The following SPAG16 variants were observed in gnomAD, a reference collection of about 807,000 sequenced individuals.
SPAG16 encodes sperm-associated antigen 16 protein.
SPAG16 carries 86 observed loss-of-function variants against 80.4 expected under a neutral mutation model. That is an observed-to-expected ratio of 1.07 (90% CI 0.90 to 1.28). The LOEUF (loss-of-function observed/expected upper bound fraction) is 1.28, where lower values mean the gene tolerates loss of function less well. SPAG16 is among the 50% of genes most tolerant of loss of function. The pLI is 0.00. For missense variants in SPAG16, 870 were observed against 765.3 expected (o/e 1.14, Z -1.61); for synonymous variants, 294 against 265.9 (o/e 1.11, Z -1.03).
chr2:213,537,063 C>A (rs2076276206), intron 10 of SPAG16, among the ~76,000 whole-genome samples: 1 of 149,090 alleles, frequency 6.7e-6, no homozygotes, highest in Non-Finnish European at 1.5e-5. Flanking sequence ...ATCGCAACAA[C>A]AAAAAATCAA....
chr2:213,458,032 A>G (rs1400006814), intron 9 of SPAG16, among the ~76,000 whole-genome samples: 1 of 152,138 alleles, frequency 6.6e-6, no homozygotes, highest in African/African-American at 2.4e-5. Context: ...ATAAACTAGT[A>G]CTTTTACTTC....
At chr2:213,923,460 C>A (rs2078316945) in intron 11 of SPAG16, among the ~76,000 whole-genome samples, 1 of 152,194 alleles carries the variant, frequency 6.6e-6, no homozygotes, top group Non-Finnish European at 1.5e-5. Context: ...GCCTGCCTTG[C>A]AGGGTCAGTG....
intron 9 of SPAG16, among the ~76,000 whole-genome samples, chr2:213,391,671 T>A (rs1173347092): frequency 6.6e-6 from 1 of 152,238 alleles, no homozygotes; most frequent in Admixed American, 6.5e-5. Context: ...AAAGGTTATT[T>A]ACTAAGGGAA....
intron 11 of SPAG16, among the ~76,000 whole-genome samples, chr2:213,897,527 G>A (rs576824854): frequency 6.6e-6 from 1 of 151,910 alleles, no homozygotes; most frequent in South Asian, 2.1e-4. Context: ...TTTTCTTTAT[G>A]TTTCTACATC....
intron 10 of SPAG16, among the ~76,000 whole-genome samples, chr2:213,559,277 A>G (rs1251331376): frequency 6.6e-6 from 1 of 152,120 alleles, no homozygotes; most frequent in East Asian, 1.9e-4. Context: ...ATTTTAACTG[A>G]GAGATGTCAG....
At chr2:213,718,834 C>T (rs1163908056) in intron 10 of SPAG16, among the ~76,000 whole-genome samples, 1 of 152,196 alleles carries the variant, frequency 6.6e-6, no homozygotes, top group Non-Finnish European at 1.5e-5. Flanking sequence ...CCCTACTCCA[C>T]GGCGCCCAGT....
At chr2:213,893,141 A>G (rs1285201668) in intron 11 of SPAG16, among the ~76,000 whole-genome samples, 3 of 152,198 alleles carry the variant, frequency 2.0e-5, no homozygotes, top group Non-Finnish European at 4.4e-5. Flanking sequence ...AAGCCAGGAA[A>G]GAGTAGAATG....
At chr2:214,169,083 A>G (rs1041438087) in intron 15 of SPAG16, among the ~76,000 whole-genome samples, 1 of 152,106 alleles carries the variant, frequency 6.6e-6, no homozygotes, top group East Asian at 1.9e-4. Context: ...TTTCTTTTGT[A>G]GGTTAGAACA....
At chr2:213,683,577 C>T (rs2064503970) in intron 10 of SPAG16, among the ~76,000 whole-genome samples, 1 of 151,730 alleles carries the variant, frequency 6.6e-6, no homozygotes, top group Admixed American at 6.6e-5. Context: ...ACATAAATAC[C>T]ACTTAACTAT....
At chr2:213,295,160 C>G (rs1161700658) in intron 1 of SPAG16, among the ~76,000 whole-genome samples, 1 of 152,046 alleles carries the variant, frequency 6.6e-6, no homozygotes, top group East Asian at 1.9e-4. Context: ...ATAACCATTA[C>G]CATGCATTAA....
At chr2:214,050,498 G>C in intron 13 of SPAG16, among the ~76,000 whole-genome samples, 1 of 151,598 alleles carries the variant, frequency 6.6e-6, no homozygotes, top group Non-Finnish European at 1.5e-5. Flanking sequence ...CTATATTCTT[G>C]TCCAAGAACT....
At chr2:213,667,990 A>G (rs1278492262) in intron 10 of SPAG16, among the ~76,000 whole-genome samples, 9 of 150,102 alleles carry the variant, frequency 6.0e-5, no homozygotes. Flanking sequence ...TCTGTTGCCC[A>G]GGCTGGAGTG....
chr2:213,484,882 A>G (rs1334071601), intron 9 of SPAG16, among the ~76,000 whole-genome samples: 2 of 152,180 alleles, frequency 1.3e-5, no homozygotes, highest in African/African-American at 4.8e-5. Flanking sequence ...CTTGCTTTAT[A>G]TCTCTGAATA....
chr2:213,366,456 A>G (rs1380452382), intron 8 of SPAG16, among the ~76,000 whole-genome samples: 1 of 152,188 alleles, frequency 6.6e-6, no homozygotes, highest in African/African-American at 2.4e-5. Context: ...ACAGTTCCAC[A>G]TAGCTGGGGA....
intron 15 of SPAG16, among the ~76,000 whole-genome samples, chr2:214,331,916 TAAG>T (rs1696943523): frequency 6.6e-6 from 1 of 152,210 alleles, no homozygotes; most frequent in Non-Finnish European, 1.5e-5. Flanking sequence ...CTATTTCAGA[TAAG>T]AAGAAAGGCT....
intron 7 of SPAG16, among the ~76,000 whole-genome samples, chr2:213,361,956 C>T (rs73990310): frequency 0.013 from 2,020 of 151,938 alleles, 42 homozygotes; most frequent in African/African-American, 0.044. Flanking sequence ...GTTTTTATTG[C>T]GGTTGGGGGT....
At chr2:213,639,104 A>G (rs1353402164) in intron 10 of SPAG16, among the ~76,000 whole-genome samples, 2 of 152,140 alleles carry the variant, frequency 1.3e-5, no homozygotes, top group Non-Finnish European at 2.9e-5. Context: ...TCTTTCTTCC[A>G]TCTTTTCACC....
intron 10 of SPAG16, among the ~76,000 whole-genome samples, chr2:213,842,565 C>T (rs2074413591): frequency 6.6e-6 from 1 of 151,518 alleles, no homozygotes; most frequent in African/African-American, 2.4e-5. Context: ...TATTTTTTGC[C>T]AAACTAACAT....
chr2:214,028,254 T>G (rs746605042), intron 13 of SPAG16, among the ~76,000 whole-genome samples: 1 of 151,838 alleles, frequency 6.6e-6, no homozygotes, highest in South Asian at 2.1e-4. Context: ...TAACAAGGAG[T>G]AGAACTAGTC....
Sources: allele counts gnomAD v4.1 joint callset (sites outside exome capture counted in the v4.1 genomes callset), GRCh38; gene constraint gnomAD v4.1.1; transcripts MANE v1.5; gene names NCBI Gene and HGNC (gene_info 2026-07-23, HGNC 2026-07-21).